XYLB: variants seen among roughly 807,000 people sequenced by gnomAD.
XYLB encodes the protein xylulose kinase.
In XYLB, 62 loss-of-function variants were observed where a neutral mutation model predicts 78.7. The ratio of observed to expected loss-of-function variants is 0.79; its 90% CI spans 0.64 to 0.97. The LOEUF is 0.97. Ranked by LOEUF, XYLB falls within the 50% of genes least tolerant of loss-of-function variation. The pLI is 0.00. For synonymous variants in XYLB, 245 were observed against 247.4 expected, an observed-to-expected ratio of 0.99 and a Z score of 0.09; for missense variants, 687 against 676.8, an observed-to-expected ratio of 1.02 and a Z score of -0.17.
intron 2 of XYLB, among the ~76,000 whole-genome samples, chr3:38,349,132 T>C (rs746581911): frequency 2.2e-4 from 33 of 152,246 alleles, no homozygotes; most frequent in Non-Finnish European, 4.0e-4. Context: ...AGCCAAGCGA[T>C]GGAAGGGAAG....
chr3:38,386,208 T>C (rs988695409), intron 15 of XYLB, among the ~76,000 whole-genome samples: 2 of 152,186 alleles, frequency 1.3e-5, no homozygotes, highest in African/African-American at 4.8e-5. Context: ...CTTCTCTGCT[T>C]ACCCTTACCT....
At chr3:38,367,868 C>T (rs149140969) in intron 7 of XYLB, among the ~76,000 whole-genome samples, 132 of 152,334 alleles carry the variant, frequency 8.7e-4, no homozygotes, top group African/African-American at 3.1e-3. Flanking sequence ...ACACATTCCC[C>T]AGCATGTGGA....
At chr3:38,427,879 A>G in the XYLB span, among the ~76,000 whole-genome samples, 1 of 152,242 alleles carries the variant, frequency 6.6e-6, no homozygotes, top group African/African-American at 2.4e-5. Flanking sequence ...GGTGTGAGCC[A>G]CCATGCCTGG....
At chr3:38,365,522 T>C (rs1706206530) in intron 5 of XYLB, 86 bp from the exon 6 acceptor site, 1 of 1,538,600 alleles carries the variant, frequency 6.5e-7, no homozygotes, top group Non-Finnish European at 8.8e-7. Flanking sequence ...ATGACTGCCG[T>C]GATGGGCAGT....
At chr3:38,372,084 TCA>T (rs1706595874) in intron 9 of XYLB, among the ~76,000 whole-genome samples, 1 of 152,178 alleles carries the variant, frequency 6.6e-6, no homozygotes, top group African/African-American at 2.4e-5. Flanking sequence ...CACGTAGGTG[TCA>T]CATGTGGGGG....
At chr3:38,434,642 A>G in the XYLB span, among the ~76,000 whole-genome samples, 1 of 152,246 alleles carries the variant, frequency 6.6e-6, no homozygotes, top group Non-Finnish European at 1.5e-5. Context: ...TCACTGGTAA[A>G]GCAATCACAC....
At chr3:38,347,054 G>A in intron 1 of XYLB, 129 bp downstream of exon 1, 2 of 964,168 alleles carry the variant, frequency 2.1e-6, no homozygotes, top group Non-Finnish European at 2.7e-6. Flanking sequence ...CGGGCTTCCC[G>A]GGGCCCCCGC....
chr3:38,448,205 G>C, the XYLB span, among the ~76,000 whole-genome samples: 10 of 151,032 alleles, frequency 6.6e-5, no homozygotes, highest in Non-Finnish European at 1.3e-4. Context: ...TGGCAGTAGA[G>C]AGATAGATAA....
the XYLB span, among the ~76,000 whole-genome samples, chr3:38,447,673 T>C: frequency 6.6e-6 from 1 of 152,016 alleles, no homozygotes; most frequent in Non-Finnish European, 1.5e-5. Flanking sequence ...ACAGTTATTA[T>C]GGAAAACAAC....
downstream of XYLB, among the ~76,000 whole-genome samples, chr3:38,423,390 A>T (rs1348121132): frequency 6.6e-6 from 1 of 152,218 alleles, no homozygotes; most frequent in African/African-American, 2.4e-5. Context: ...TTTGTTAAGA[A>T]AAAATGTGAT....
the XYLB span, among the ~76,000 whole-genome samples, chr3:38,426,856 C>A: frequency 6.6e-6 from 1 of 152,148 alleles, no homozygotes; most frequent in Non-Finnish European, 1.5e-5. Flanking sequence ...TGATGGCTGT[C>A]ATGCACACTG....
In XYLB at chr3:38,365,654, C is replaced by G. The variant is rs748729335; in HGVS notation, c.425C>G (p.Thr142Ser). 9.3e-6 allele frequency: 15 copies of G among 1,613,870 alleles called. No homozygotes were observed. Among genetic ancestry groups the G allele is most frequent in the Non-Finnish European group, 1.3e-5 (15 of 1,179,994 alleles). The change falls in exon 6 of 19, where the codon ACC (threonine) becomes AGC (serine). Residue 142 changes from threonine (T) to serine (S), a missense_variant. Thr to Ser is a moderately conservative substitution (Grantham distance 58). Transcript: ENST00000207870. ...TGCCCGGTGTGGATGGACTCCAGCA[C>G]CACAGCCCAGTGCCGCCAGCTGGAG... The part of the protein sequence containing the change: ...SDCPVWMDSS[T>S]TAQCRQLEAA...
chr3:38,450,771 T>A, the XYLB span, among the ~76,000 whole-genome samples: 1 of 152,152 alleles, frequency 6.6e-6, no homozygotes, highest in East Asian at 1.9e-4. Flanking sequence ...TATGGAAGAT[T>A]TATTTAAGGC....
At chr3:38,410,646 G>A (rs1708538472) in intron 18 of XYLB, among the ~76,000 whole-genome samples, 1 of 152,078 alleles carries the variant, frequency 6.6e-6, no homozygotes, top group Non-Finnish European at 1.5e-5. Context: ...CTGACAAAGG[G>A]CTAATATCCA....
intron 14 of XYLB, among the ~76,000 whole-genome samples, chr3:38,377,707 T>A (rs1706936069): frequency 6.6e-6 from 1 of 152,180 alleles, no homozygotes; most frequent in South Asian, 2.1e-4. Flanking sequence ...CCCAAAATGC[T>A]GGGATTACAG....
chr3:38,349,155 T>A (rs1196958912), intron 2 of XYLB, among the ~76,000 whole-genome samples: 2 of 152,170 alleles, frequency 1.3e-5, no homozygotes, highest in Non-Finnish European at 2.9e-5. Flanking sequence ...GGCCAGGTGA[T>A]GGAAGAGCAT....
At chr3:38,428,919 G>T in the XYLB span, among the ~76,000 whole-genome samples, 5 of 152,126 alleles carry the variant, frequency 3.3e-5, no homozygotes, top group African/African-American at 1.2e-4. Flanking sequence ...CTCTGTGATG[G>T]ATAATGTTAA....
At chr3:38,422,964 G>T (rs919521791), downstream of XYLB, among the ~76,000 whole-genome samples, 2 of 152,164 alleles carry the variant, frequency 1.3e-5, no homozygotes, top group African/African-American at 4.8e-5. Flanking sequence ...AACAATGGTT[G>T]CTGAGTAAAG....
chr3:38,414,597 A>T lies in XYLB; in HGVS notation c.*1584A>T, dbSNP rs1323358909. On this transcript the variant is annotated 3_prime_UTR_variant, in exon 19 of 19. Transcript: ENST00000207870. The stretch of plus-strand genomic sequence containing the variant: ...AACACCAGAGATCAGAAATTCAAAA[A>T]CTCAGAATAAAAATGAAAAAGCTAC... The T allele has an allele frequency of 1.3e-5, 2 of 152,210 alleles. No individual in the cohort carries two copies. The highest frequency in any genetic ancestry group is 4.8e-5 in the African/African-American group (2 of 41,460). The allele number at this position is 152,210 out of a possible 1,614,324, so 9.4% of individuals were successfully genotyped here. A position where few individuals can be genotyped will look rare whatever the true frequency, so the allele number is the denominator to read the frequency against.
Sources: allele counts gnomAD v4.1 joint callset (sites outside exome capture counted in the v4.1 genomes callset), GRCh38; gene constraint gnomAD v4.1.1; transcripts MANE v1.5; gene names NCBI Gene and HGNC (gene_info 2026-07-23, HGNC 2026-07-21).